The following ABCC1 variants were observed in gnomAD, a reference collection of about 807,000 sequenced individuals.
ABCC1 encodes the protein multidrug resistance-associated protein 1.
In ABCC1, 83 loss-of-function variants were observed where a neutral mutation model predicts 172.9. That is an observed-to-expected ratio of 0.48 (90% confidence interval 0.40 to 0.58). ABCC1 has a LOEUF of 0.58. Ranked by LOEUF, ABCC1 falls within the 20% of genes least tolerant of loss-of-function variation. The pLI is 0.00. For synonymous variants in ABCC1, 937 were observed against 825.2 expected (o/e 1.14, Z -2.32); for missense variants, 1,817 against 2,002.7 (o/e 0.91, Z 1.77).
chr16:16,108,273 C>CTTT lies in ABCC1; in HGVS notation c.2871+1422_2871+1424dup, dbSNP rs79826916. Among the ~76,000 whole-genome samples the CTTT allele has an allele frequency of 2.1e-3, 228 of 106,284 alleles. 2 individuals carry two copies. The highest frequency in any genetic ancestry group is 0.014 in the Middle Eastern group (3 of 212). 69.7% of individuals were successfully genotyped at this position (106,284 alleles called of 152,430 possible). On this transcript the variant is annotated intron_variant, in intron 21 of 30. Coordinates refer to ENST00000399410, the MANE Select transcript of ABCC1 (RefSeq NM_004996.4). The stretch of plus-strand genomic sequence containing the variant: ...CAACACGCTTATCGTTTCTTTGTGT[C>CTTT]TTTTTTTTTTTTTTTTTTTTTTTTG...
chr16:16,053,645 C>T (rs1304204513), intron 11 of ABCC1, among the ~76,000 whole-genome samples: 1 of 151,376 alleles, frequency 6.6e-6, no homozygotes, highest in Non-Finnish European at 1.5e-5. Flanking sequence ...AAGTTAGCTG[C>T]ATGTGGTGAT....
intron 22 of ABCC1, among the ~76,000 whole-genome samples, chr16:16,112,374 C>CA (rs1197942092): frequency 0.072 from 9,588 of 133,320 alleles, 532 homozygotes; most frequent in East Asian, 0.24. Flanking sequence ...AAAAAATAAA[C>CA]AAAAAAAAAA....
At chr16:15,989,812 T>A (rs925701039) in intron 1 of ABCC1, among the ~76,000 whole-genome samples, 1 of 152,214 alleles carries the variant, frequency 6.6e-6, no homozygotes, top group East Asian at 1.9e-4. Context: ...AATGGAGCGA[T>A]GTACATGAAA....
chr16:16,106,157 G>A (rs967082274), intron 20 of ABCC1, among the ~76,000 whole-genome samples: 3 of 152,076 alleles, frequency 2.0e-5, no homozygotes, highest in Admixed American at 2.0e-4. Context: ...GATTACAGGT[G>A]TGAGCCACTG....
intron 7 of ABCC1, among the ~76,000 whole-genome samples, chr16:16,042,387 C>G (rs552665940): frequency 3.3e-5 from 5 of 152,052 alleles, no homozygotes; most frequent in East Asian, 1.9e-4. Context: ...ATCTGCACAA[C>G]TGAATACTAA....
chr16:16,008,048 G>C, intron 2 of ABCC1, 56 bp downstream of exon 2: 1 of 1,456,952 alleles, frequency 6.9e-7, no homozygotes, highest in Non-Finnish European at 9.4e-7. Flanking sequence ...TGGACGGGGA[G>C]TGGTGGTTGG....
chr16:16,127,247 G>A (rs1006862670), intron 26 of ABCC1, among the ~76,000 whole-genome samples: 1 of 152,012 alleles, frequency 6.6e-6, no homozygotes, highest in East Asian at 1.9e-4. Context: ...TTTGAGACAC[G>A]GTCTCACTCT....
rs2045918465 is a variant in ABCC1 at position 16,136,391 on chromosome 16, G to T, written c.4126-87G>T. The T allele has an allele frequency of 2.0e-6, 3 of 1,467,756 alleles. No homozygotes were observed. The South Asian group carries it at 3.9e-5, about 19-fold the overall frequency. The allele number at this position is 1,467,756 out of a possible 1,614,324, so 90.9% of individuals were successfully genotyped here. Reference sequence around the variant, plus strand: ...GAGCTCTGATACCCCACCTTCAACAGTCCTGGCCAGAAGTCCTTAGGTCGC... The same window carrying T: ...GAGCTCTGATACCCCACCTTCAACATTCCTGGCCAGAAGTCCTTAGGTCGC... On this transcript the variant is annotated intron_variant, in intron 28 of 30. Coordinates refer to ENST00000399410, the MANE Select transcript of ABCC1 (RefSeq NM_004996.4).
chr16:16,134,621 CGTTCTTTTT>C, intron 28 of ABCC1, 113 bp downstream of exon 28: 2 of 495,096 alleles, frequency 4.0e-6, no homozygotes, highest in African/African-American at 4.5e-5. Flanking sequence ...CCTACTTCAT[CGTTCTTTTT>C]TTTTTTTTTT....
At chr16:16,053,979 T>G (rs1393929584) in intron 11 of ABCC1, among the ~76,000 whole-genome samples, 1 of 151,348 alleles carries the variant, frequency 6.6e-6, no homozygotes, top group Non-Finnish European at 1.5e-5. Flanking sequence ...TGTGGGTTTT[T>G]TTTTTTGTTT....
At chr16:15,956,448 T>G (rs1158171577) in intron 1 of ABCC1, among the ~76,000 whole-genome samples, 1 of 152,140 alleles carries the variant, frequency 6.6e-6, no homozygotes, top group South Asian at 2.1e-4. Flanking sequence ...AGCTTACTGT[T>G]GACTGGAAGC....
At chr16:16,116,588 A>C (rs185962913) in intron 23 of ABCC1, among the ~76,000 whole-genome samples, 13 of 151,874 alleles carry the variant, frequency 8.6e-5, no homozygotes, top group Non-Finnish European at 4.4e-5. Context: ...TTTGAGACAG[A>C]GTTTAGCTGT....
chr16:15,960,024 G>A lies in ABCC1; in HGVS notation c.48+10225G>A, dbSNP rs144858949. On this transcript the variant is annotated intron_variant, in intron 1 of 30. Transcript: ENST00000399410. ...GAGGAACCTCAGTGTACCTTTTACT[G>A]GCCTCCTAGGTAATACTTGTTTGGA... Among the ~76,000 whole-genome samples, 485 of 152,190 alleles carry A rather than the reference G, an allele frequency of 3.2e-3. 4 individuals are homozygous for A. The highest frequency in any genetic ancestry group is 0.011 in the African/African-American group (474 of 41,514).
chr16:16,017,942 C>T (rs901644046), intron 5 of ABCC1, among the ~76,000 whole-genome samples: 6 of 152,082 alleles, frequency 3.9e-5, no homozygotes, highest in Non-Finnish European at 7.4e-5. Context: ...CAAGAAAAGC[C>T]AGCACAGCAG....
At chr16:16,009,313 C>T (rs1477416452) in intron 2 of ABCC1, among the ~76,000 whole-genome samples, 1 of 152,090 alleles carries the variant, frequency 6.6e-6, no homozygotes, top group Non-Finnish European at 1.5e-5. Flanking sequence ...TGTTCTCTCT[C>T]TCTGTATGCA....
intron 1 of ABCC1, among the ~76,000 whole-genome samples, chr16:15,971,459 A>G (rs9935678): frequency 0.014 from 2,174 of 152,184 alleles, 45 homozygotes; most frequent in South Asian, 0.059. Context: ...TTTACAAGAA[A>G]CTTTTCCGGA....
chr16:15,977,834 G>C (rs2046528313), intron 1 of ABCC1, among the ~76,000 whole-genome samples: 1 of 152,142 alleles, frequency 6.6e-6, no homozygotes, highest in African/African-American at 2.4e-5. Context: ...AGTGATCACT[G>C]GGCATCCATC....
intron 1 of ABCC1, among the ~76,000 whole-genome samples, chr16:15,988,074 C>T (rs566856777): frequency 6.6e-6 from 1 of 152,328 alleles, no homozygotes; most frequent in East Asian, 1.9e-4. Context: ...TCTCGTGCCT[C>T]AGCCTCCTGA....
At chr16:15,995,436 G>T (rs1211715370) in intron 1 of ABCC1, among the ~76,000 whole-genome samples, 1 of 152,146 alleles carries the variant, frequency 6.6e-6, no homozygotes, top group Non-Finnish European at 1.5e-5. Flanking sequence ...TAAAGAACTA[G>T]CACCTGCCCA....
Sources: allele counts gnomAD v4.1 joint callset (sites outside exome capture counted in the v4.1 genomes callset), GRCh38; gene constraint gnomAD v4.1.1; transcripts MANE v1.5; gene names NCBI Gene and HGNC (gene_info 2026-07-23, HGNC 2026-07-21).